The following TMEM132C variants were observed in gnomAD, a reference collection of about 807,000 sequenced individuals.
TMEM132C encodes protein phosphatase 1, regulatory subunit 152.
In TMEM132C, 29 loss-of-function variants were observed where a neutral mutation model predicts 61.4. The observed-to-expected ratio is 0.47, with a 90% CI of 0.35 to 0.64. The LOEUF is 0.64. Among genes scored for constraint, TMEM132C ranks in the 30% least tolerant of loss-of-function variants. The probability of loss-of-function intolerance (pLI) is 0.00; values close to 1 mark genes in which losing one functional copy is unlikely to be tolerated. For synonymous variants in TMEM132C, 656 were observed against 633.1 expected (o/e 1.04, Z -0.54); for missense variants, 1,408 against 1,476.9 (o/e 0.95, Z 0.76).
chr12:128,524,346 A>C (rs1188752977), intron 2 of TMEM132C, among the ~76,000 whole-genome samples: 1 of 152,202 alleles, frequency 6.6e-6, no homozygotes, highest in Non-Finnish European at 1.5e-5. Context: ...CCAGGACCCA[A>C]GTGCTGCCGT....
At chr12:128,697,766 T>C (rs1323195879) in intron 8 of TMEM132C, among the ~76,000 whole-genome samples, 1 of 152,196 alleles carries the variant, frequency 6.6e-6, no homozygotes, top group African/African-American at 2.4e-5. Context: ...CCATATTCCT[T>C]TGACAGCCCA....
At chr12:128,474,822 A>G (rs1180287428) in intron 2 of TMEM132C, among the ~76,000 whole-genome samples, 2 of 152,312 alleles carry the variant, frequency 1.3e-5, no homozygotes, top group South Asian at 4.1e-4. Flanking sequence ...TTGGTACCAC[A>G]TAGTATGTCT....
chr12:128,611,244 TC>T (rs1414343829), intron 3 of TMEM132C, among the ~76,000 whole-genome samples: 1 of 152,208 alleles, frequency 6.6e-6, no homozygotes, highest in East Asian at 1.9e-4. Flanking sequence ...ATGTGTGTGC[TC>T]CCCTTAAAGG....
At chr12:128,403,057 C>T (rs558298928) in intron 1 of TMEM132C, among the ~76,000 whole-genome samples, 4 of 152,110 alleles carry the variant, frequency 2.6e-5, no homozygotes, top group Non-Finnish European at 5.9e-5. Context: ...TTGCAAACCG[C>T]GCTATGTAAT....
chr12:128,669,574 C>T lies in TMEM132C; in HGVS notation c.1449+14C>T, dbSNP rs1954511079. ...GACGTTATCAAAGTAAGTCATTCCA[C>T]AGCCAGCTGGATGGAACCGGTGGGA... On this transcript the variant is annotated intron_variant, in intron 5 of 8. Transcript: ENST00000435159. 6.4e-7 allele frequency: 1 copy of T among 1,550,608 alleles called. No homozygotes were observed. Among genetic ancestry groups the T allele is most frequent in the African/African-American group, 1.4e-5 (1 of 73,038 alleles).
chr12:128,598,914 A>G (rs1034588954), intron 3 of TMEM132C, among the ~76,000 whole-genome samples: 1 of 151,976 alleles, frequency 6.6e-6, no homozygotes, highest in African/African-American at 2.4e-5. Context: ...TCTAGTTTCA[A>G]TCCATTTCCT....
chr12:128,565,003 T>C (rs1425799947), intron 3 of TMEM132C, among the ~76,000 whole-genome samples: 1 of 152,226 alleles, frequency 6.6e-6, no homozygotes, highest in Non-Finnish European at 1.5e-5. Flanking sequence ...TTATTATAAC[T>C]AATTAACAAA....
intron 1 of TMEM132C, among the ~76,000 whole-genome samples, chr12:128,390,148 G>A (rs1228830887): frequency 6.6e-6 from 1 of 152,160 alleles, no homozygotes; most frequent in Non-Finnish European, 1.5e-5. Context: ...TGGGATTACA[G>A]GTGTGAGCCA....
At chr12:128,383,059 T>C (rs1375256298) in intron 1 of TMEM132C, among the ~76,000 whole-genome samples, 1 of 152,134 alleles carries the variant, frequency 6.6e-6, no homozygotes, top group Non-Finnish European at 1.5e-5. Context: ...TGAGCATCTG[T>C]ATGTATGTGT....
chr12:128,504,551 C>T (rs1368525977), intron 2 of TMEM132C, among the ~76,000 whole-genome samples: 1 of 152,038 alleles, frequency 6.6e-6, no homozygotes, highest in Non-Finnish European at 1.5e-5. Context: ...ACTAAGGAGC[C>T]GGCAGGGTTC....
chr12:128,458,268 A>G (rs1333858883), intron 2 of TMEM132C, among the ~76,000 whole-genome samples: 6 of 92,310 alleles, frequency 6.5e-5, no homozygotes, highest in South Asian at 3.2e-4. Context: ...TTATAATTAT[A>G]TAATTATAAT....
At chr12:128,653,868 G>A (rs7297312) in intron 4 of TMEM132C, among the ~76,000 whole-genome samples, 9,502 of 152,208 alleles carry the variant, frequency 0.062, 947 homozygotes, top group African/African-American at 0.21. Context: ...ACACAGGAAG[G>A]GGAGAGCACA....
chr12:128,531,566 G>A (rs1454492725), intron 2 of TMEM132C, among the ~76,000 whole-genome samples: 1 of 152,182 alleles, frequency 6.6e-6, no homozygotes, highest in Admixed American at 6.5e-5. Flanking sequence ...CATAACCACA[G>A]GTGAAGGCAC....
At chr12:128,329,755 G>A (rs558833929) in intron 1 of TMEM132C, among the ~76,000 whole-genome samples, 55 of 152,276 alleles carry the variant, frequency 3.6e-4, no homozygotes, top group African/African-American at 1.3e-3. Context: ...CATGGAGAAG[G>A]CATGTGGAGA....
intron 5 of TMEM132C, among the ~76,000 whole-genome samples, chr12:128,678,852 C>T (rs907883695): frequency 4.6e-5 from 7 of 152,312 alleles, no homozygotes; most frequent in Non-Finnish European, 7.4e-5. Context: ...CGAGCAGACA[C>T]CACGGGGTCT....
At chr12:128,535,367 A>G (rs537154149) in intron 2 of TMEM132C, among the ~76,000 whole-genome samples, 3 of 115,494 alleles carry the variant, frequency 2.6e-5, no homozygotes, top group Non-Finnish European at 6.9e-5. Context: ...TCCAGAATCT[A>G]CAAAGAACTC....
At chr12:128,645,328 C>A (rs995827701) in intron 4 of TMEM132C, among the ~76,000 whole-genome samples, 1 of 152,074 alleles carries the variant, frequency 6.6e-6, no homozygotes, top group Non-Finnish European at 1.5e-5. Flanking sequence ...TCTTGACTGG[C>A]GATGCAAGGA....
At chr12:128,495,526 T>G (rs1488537747) in intron 2 of TMEM132C, among the ~76,000 whole-genome samples, 7 of 152,240 alleles carry the variant, frequency 4.6e-5, no homozygotes, top group African/African-American at 1.4e-4. Flanking sequence ...GCTCGTGTAT[T>G]GGGTGCATAC....
chr12:128,686,305 G>A (rs996667969), intron 5 of TMEM132C, among the ~76,000 whole-genome samples: 2 of 152,162 alleles, frequency 1.3e-5, no homozygotes, highest in African/African-American at 2.4e-5. Flanking sequence ...ATTCTACCCC[G>A]TTGATGCTGA....
Sources: gnomAD v4.1 joint callset for allele counts (sites outside exome capture counted in the v4.1 genomes callset) on GRCh38, gnomAD v4.1.1 for gene constraint, MANE v1.5 for transcripts, NCBI Gene and HGNC (gene_info 2026-07-23, HGNC 2026-07-21) for gene names.